ACOT7: variants seen among roughly 807,000 people sequenced by gnomAD.
ACOT7 encodes the protein cytosolic acyl coenzyme A thioester hydrolase.
In ACOT7, 12 loss-of-function variants were observed where a neutral mutation model predicts 40.2. The ratio of observed to expected loss-of-function variants is 0.30; its 90% CI spans 0.19 to 0.48. The LOEUF (loss-of-function observed/expected upper bound fraction) is 0.48, where lower values mean the gene tolerates loss of function less well. ACOT7 is among the 20% of genes least tolerant of loss of function. ACOT7 has a pLI of 0.99. For missense variants in ACOT7, 395 were observed against 530.8 expected (o/e 0.74, Z 2.51); for synonymous variants, 228 against 219.5 (o/e 1.04, Z -0.34).
chr1:6,323,751 T>A (rs1354934075), intron 5 of ACOT7, among the ~76,000 whole-genome samples: 51 of 127,314 alleles, frequency 4.0e-4, no homozygotes, highest in South Asian at 3.3e-3. Context: ...TATATATATA[T>A]ATATATATAT....
chr1:6,346,501 T>C (rs1308889345), intron 2 of ACOT7, among the ~76,000 whole-genome samples: 3 of 152,114 alleles, frequency 2.0e-5, no homozygotes, highest in Non-Finnish European at 4.4e-5. Context: ...GAAAAGCCAA[T>C]GTGGCCAGAG....
intron 6 of ACOT7, among the ~76,000 whole-genome samples, chr1:6,313,828 A>G (rs1640410495): frequency 6.6e-6 from 1 of 152,038 alleles, no homozygotes; most frequent in African/African-American, 2.4e-5. Context: ...AAAAAAGAAA[A>G]AGTCCTCTCT....
Position 6,311,186 on chromosome 1 carries a change from C to G in ACOT7, c.712+7306G>C, listed in dbSNP as rs558665537. 6.6e-6 allele frequency among the ~76,000 whole-genome samples: 1 copy of G among 152,338 alleles called. No individual in the cohort carries two copies. Among genetic ancestry groups the G allele is most frequent in the South Asian group, 2.1e-4 (1 of 4,824 alleles). ...TGAGCAAGCTCTCCCGATGAGGATA[C>G]CCACCTTGACTTCTGTTTCAGAGCA... On this transcript the variant is annotated intron_variant, in intron 6 of 8. Coordinates refer to ENST00000361521, the MANE Select transcript of ACOT7 (RefSeq NM_007274.4). This position sits in a 1 kb window ranked among gnomAD's most constrained non-coding sequence, Gnocchi z 5.2.
At chr1:6,279,974 G>A (rs1156676452) in intron 8 of ACOT7, among the ~76,000 whole-genome samples, 1 of 152,214 alleles carries the variant, frequency 6.6e-6, no homozygotes, top group Admixed American at 6.5e-5. Context: ...GTGCATGTTC[G>A]CCCCAGAGAT....
chr1:6,305,184 C>G (rs1418934079), intron 6 of ACOT7, among the ~76,000 whole-genome samples: 2 of 149,180 alleles, frequency 1.3e-5, no homozygotes, highest in African/African-American at 5.0e-5. Flanking sequence ...GATGAGGCGG[C>G]TGGCCGGGCG....
chr1:6,362,875 C>T (rs1033306044), intron 1 of ACOT7, among the ~76,000 whole-genome samples: 3 of 151,954 alleles, frequency 2.0e-5, no homozygotes, highest in African/African-American at 7.3e-5. Context: ...CATGGTGAGA[C>T]CCCATCTCTA....
In ACOT7 at chr1:6,299,523, C is replaced by T. The variant is rs1339520482; in HGVS notation, c.713-4543G>A. ...ATAGAGGACAGTCGGCCTCCCCTTA[C>T]CAGGCACCACACACAGAGGGCACAG... On this transcript the variant is annotated intron_variant, in intron 6 of 8. Transcript: ENST00000361521. This position sits in a 1 kb window ranked among gnomAD's most constrained non-coding sequence, Gnocchi z 4.1. Among the ~76,000 whole-genome samples the T allele has an allele frequency of 6.6e-6, 1 of 152,018 alleles. No individual in the cohort carries two copies. Among genetic ancestry groups the T allele is most frequent in the Non-Finnish European group, 1.5e-5 (1 of 68,014 alleles).
chr1:6,329,611 A>G (rs1172422262), intron 4 of ACOT7, among the ~76,000 whole-genome samples: 9 of 152,094 alleles, frequency 5.9e-5, no homozygotes, highest in East Asian at 1.9e-4. Flanking sequence ...ACAAGCCATG[A>G]GGAGAAGCCC....
chr1:6,329,417 G>A (rs2148433363), intron 4 of ACOT7, among the ~76,000 whole-genome samples: 1 of 152,302 alleles, frequency 6.6e-6, no homozygotes, highest in East Asian at 1.9e-4. Flanking sequence ...TGAGAAGAGA[G>A]TCTGTGCTGT....
At chr1:6,284,484 C>A (rs1021226558) in intron 7 of ACOT7, among the ~76,000 whole-genome samples, 2 of 145,332 alleles carry the variant, frequency 1.4e-5, no homozygotes, top group African/African-American at 5.2e-5. Flanking sequence ...GCTGAGGCAA[C>A]AGAATCGCCT....
intron 3 of ACOT7, among the ~76,000 whole-genome samples, chr1:6,334,111 TCCC>T (rs1017770583): frequency 1.3e-5 from 2 of 152,102 alleles, no homozygotes; most frequent in Non-Finnish European, 2.9e-5. Flanking sequence ...CCAACGAGCC[TCCC>T]AGACAGAGGG....
Position 6,294,773 on chromosome 1 carries a change from G to T in ACOT7, c.829+91C>A. 2 of 977,156 alleles carry T rather than the reference G, an allele frequency of 2.0e-6. No individual in the cohort carries two copies. 60.5% of individuals were successfully genotyped at this position (977,156 alleles called of 1,614,324 possible). A position where few individuals can be genotyped will look rare whatever the true frequency, so the allele number is the denominator to read the frequency against. The stretch of plus-strand genomic sequence containing the variant: ...GATGGGCACACACCAAGGCCCACAT[G>T]ACCCTGGGTGTGAACAGAAAACAAA... On this transcript the variant is annotated intron_variant, in intron 7 of 8. Coordinates refer to ENST00000361521, the MANE Select transcript of ACOT7 (RefSeq NM_007274.4). This position sits in a 1 kb window ranked among gnomAD's most constrained non-coding sequence, Gnocchi z 4.6.
At chr1:6,340,000 CT>C (rs1447299242) in intron 2 of ACOT7, among the ~76,000 whole-genome samples, 1 of 150,572 alleles carries the variant, frequency 6.6e-6, no homozygotes. Context: ...GAGTCTCGCT[CT>C]GTCACCCAGG....
intron 8 of ACOT7, among the ~76,000 whole-genome samples, chr1:6,269,479 C>T (rs577385967): frequency 2.0e-4 from 30 of 152,366 alleles, no homozygotes; most frequent in Non-Finnish European, 3.5e-4. Flanking sequence ...ACCAGGCCAT[C>T]GAGCATTCCC....
intron 1 of ACOT7, among the ~76,000 whole-genome samples, chr1:6,361,633 C>T (rs1641896670): frequency 1.3e-5 from 2 of 152,024 alleles, no homozygotes; most frequent in South Asian, 4.1e-4. Flanking sequence ...AACCCCACCA[C>T]TAGTGAAAAG....
rs571138884 is a variant in ACOT7, at chr1:6,270,718, G to A, written c.1015-6023C>T. 3.3e-5 allele frequency among the ~76,000 whole-genome samples: 5 copies of A among 152,304 alleles called. No individual in the cohort carries two copies. The South Asian group carries it at 8.3e-4, about 25-fold the overall frequency. On this transcript the variant is annotated intron_variant, in intron 8 of 8. Transcript: ENST00000361521. ...GGTGCCGGTGCACGTGAGCTCCTAC[G>A]TGTGTGTGCACATGTGTCTGCGGTC...
At chr1:6,362,939 G>A (rs553276265) in intron 1 of ACOT7, among the ~76,000 whole-genome samples, 1 of 152,210 alleles carries the variant, frequency 6.6e-6, no homozygotes, top group East Asian at 1.9e-4. Flanking sequence ...CGGGTGGCAA[G>A]CCATCCAGGT....
intron 7 of ACOT7, among the ~76,000 whole-genome samples, chr1:6,291,240 C>A (rs1347425902): frequency 6.6e-6 from 1 of 152,122 alleles, no homozygotes; most frequent in Admixed American, 6.5e-5. Context: ...GAGATGAGAT[C>A]ACCCCGGATT....
chr1:6,353,409 G>A (rs377443590), intron 1 of ACOT7, among the ~76,000 whole-genome samples: 49 of 152,110 alleles, frequency 3.2e-4, no homozygotes, highest in African/African-American at 1.1e-3. Flanking sequence ...AGGCGGGGGC[G>A]GATCACTTGA....
Sources: allele counts gnomAD v4.1 joint callset (sites outside exome capture counted in the v4.1 genomes callset), GRCh38; gene constraint gnomAD v4.1.1; non-coding constraint Gnocchi (gnomAD v3.1); transcripts MANE v1.5; gene names NCBI Gene and HGNC (gene_info 2026-07-23, HGNC 2026-07-21).